Variants in SIPA1L2 observed in about 807,000 individuals in gnomAD.
SIPA1L2 encodes signal induced proliferation associated 1 like 2, also known as signal-induced proliferation-associated 1-like protein 2.
In SIPA1L2, 56 loss-of-function variants were observed where a neutral mutation model predicts 163.9. That is an observed-to-expected ratio of 0.34 (90% CI 0.28 to 0.43). The LOEUF (loss-of-function observed/expected upper bound fraction) is 0.43, where lower values mean the gene tolerates loss of function less well. Ranked by LOEUF, SIPA1L2 falls within the 20% of genes least tolerant of loss-of-function variation. SIPA1L2 has a pLI of 1.00. For synonymous variants in SIPA1L2, 877 were observed against 865.7 expected (o/e 1.01, Z -0.23); for missense variants, 1,974 against 2,193.5 (o/e 0.90, Z 2.00).
intron 1 of SIPA1L2, among the ~76,000 whole-genome samples, chr1:232,580,438 A>G (rs1024843079): frequency 6.6e-6 from 1 of 152,178 alleles, no homozygotes; most frequent in Non-Finnish European, 1.5e-5. Flanking sequence ...ACCTCCTGGG[A>G]AAGCAGCCCA....
At chr1:232,421,266 G>C (rs1022546151) in intron 18 of SIPA1L2, among the ~76,000 whole-genome samples, 1 of 151,948 alleles carries the variant, frequency 6.6e-6, no homozygotes, top group Non-Finnish European at 1.5e-5. Flanking sequence ...AATTCTGAAA[G>C]GGGGGTAGTA....
chr1:232,442,421 G>A (rs868204056), intron 12 of SIPA1L2, among the ~76,000 whole-genome samples: 4 of 151,602 alleles, frequency 2.6e-5, no homozygotes, highest in South Asian at 2.1e-4. Context: ...GGTGGCGAGC[G>A]CCTGTAATCC....
chr1:232,599,129 C>T (rs879305202), intron 1 of SIPA1L2, among the ~76,000 whole-genome samples: 24 of 152,152 alleles, frequency 1.6e-4, no homozygotes, highest in Non-Finnish European at 3.1e-4. Flanking sequence ...ATTAGGTGAA[C>T]AGCAACCAGC....
chr1:232,486,625 G>C (rs1336461293), intron 5 of SIPA1L2, among the ~76,000 whole-genome samples: 1 of 152,168 alleles, frequency 6.6e-6, no homozygotes, highest in African/African-American at 2.4e-5. Flanking sequence ...CAGTTTGCCA[G>C]GTGAAACTTA....
chr1:232,472,564 A>G (rs1249519391), intron 7 of SIPA1L2, among the ~76,000 whole-genome samples: 1 of 152,226 alleles, frequency 6.6e-6, no homozygotes, highest in Non-Finnish European at 1.5e-5. Flanking sequence ...ACATAAAGGC[A>G]CTCGGTAAGC....
At chr1:232,439,063 C>T (rs1409361511) in intron 15 of SIPA1L2, 45 bp downstream of exon 15, 1 of 1,541,470 alleles carries the variant, frequency 6.5e-7, no homozygotes, top group Non-Finnish European at 8.7e-7. Context: ...AGGCAGGGCC[C>T]AGGTGGCACC....
At chr1:232,495,022 T>A (rs1391131407) in intron 3 of SIPA1L2, among the ~76,000 whole-genome samples, 9 of 152,170 alleles carry the variant, frequency 5.9e-5, no homozygotes, top group Admixed American at 5.9e-4. Context: ...TGCCAATGCT[T>A]GCCACAATGA....
intron 6 of SIPA1L2, among the ~76,000 whole-genome samples, chr1:232,481,528 A>C (rs1665358716): frequency 6.6e-6 from 1 of 152,214 alleles, no homozygotes; most frequent in African/African-American, 2.4e-5. Flanking sequence ...GCCATACTAA[A>C]AGAGGAATTT....
At chr1:232,526,785 G>A (rs576793720) in intron 2 of SIPA1L2, among the ~76,000 whole-genome samples, 48 of 152,148 alleles carry the variant, frequency 3.2e-4, no homozygotes, top group Non-Finnish European at 5.9e-4. Flanking sequence ...CCCCCTGACC[G>A]GTATCTGAGA....
chr1:232,563,646 T>C (rs1232415742), intron 2 of SIPA1L2, among the ~76,000 whole-genome samples: 4 of 152,214 alleles, frequency 2.6e-5, no homozygotes, highest in Non-Finnish European at 2.9e-5. Flanking sequence ...TGTTGGAAAT[T>C]CAGTTTTAAC....
chr1:232,439,451 A>G lies in SIPA1L2; in HGVS notation c.3688T>C (p.Ser1230Pro). ...CSSHSSSNTL[S>P]SNTSSNSDDK... ...TCACTGTTGCTGGAGGTGTTGCTGG[A>G]GAGCGTGTTGCTGCTGGAGTGACTG... is the stretch of plus-strand genomic sequence containing the variant. Residue 1230 changes from serine (S) to proline (P), a missense_variant, in exon 15 of 23, where the codon TCC (serine) becomes CCC (proline). Coordinates refer to ENST00000674635, the MANE Select transcript of SIPA1L2 (RefSeq NM_020808.5). 1.2e-6 allele frequency: 2 copies of G among 1,614,184 alleles called. No homozygotes were observed. The highest frequency in any genetic ancestry group is 1.7e-6 in the Non-Finnish European group (2 of 1,180,008).
chr1:232,423,769 G>T (rs139274285), intron 18 of SIPA1L2, among the ~76,000 whole-genome samples: 1 of 152,016 alleles, frequency 6.6e-6, no homozygotes, highest in Non-Finnish European at 1.5e-5. Context: ...AACAAACTAC[G>T]GTACATCTAG....
rs555384705 is a variant in SIPA1L2 at position 232,600,639 on chromosome 1, TGTTG to T, written c.-318-26421_-318-26418del. The stretch of plus-strand genomic sequence containing the variant: ...AATAACCTAAATTAAGGAGCGTGCC[TGTTG>T]GATGACATAATGTGGTTTACTGTGA... On this transcript the variant is annotated intron_variant, in intron 1 of 22. Coordinates refer to ENST00000674635, the MANE Select transcript of SIPA1L2 (RefSeq NM_020808.5). Among the ~76,000 whole-genome samples the T allele has an allele frequency of 2.6e-5, 4 of 152,304 alleles. No individual in the cohort carries two copies. The South Asian group carries it at 8.3e-4, about 32-fold the overall frequency.
intron 7 of SIPA1L2, among the ~76,000 whole-genome samples, chr1:232,478,177 T>C (rs527392630): frequency 2.0e-5 from 3 of 152,246 alleles, no homozygotes; most frequent in Non-Finnish European, 4.4e-5. Flanking sequence ...TACATACATG[T>C]GATCTAGTGA....
chr1:232,571,764 C>A (rs1232101573), intron 2 of SIPA1L2, among the ~76,000 whole-genome samples: 1 of 152,114 alleles, frequency 6.6e-6, no homozygotes, highest in Non-Finnish European at 1.5e-5. Flanking sequence ...TGGGACCTCC[C>A]CCTTCTGTCT....
At chr1:232,507,194 G>A (rs531570292) in intron 3 of SIPA1L2, among the ~76,000 whole-genome samples, 4 of 143,082 alleles carry the variant, frequency 2.8e-5, no homozygotes, top group South Asian at 2.2e-4. Flanking sequence ...TTTTTTCTCC[G>A]ACTTTCCCTG....
intron 7 of SIPA1L2, among the ~76,000 whole-genome samples, chr1:232,473,791 C>T (rs911471144): frequency 2.6e-5 from 4 of 151,878 alleles, no homozygotes; most frequent in South Asian, 2.1e-4. Context: ...CGATTGGAGG[C>T]GGGAACAAGA....
In SIPA1L2 at chr1:232,432,399, G is replaced by A. The variant is rs1304785854; in HGVS notation, c.4104C>T (p.Val1368=). 6.2e-7 allele frequency: 1 copy of A among 1,614,252 alleles called. No individual in the cohort carries two copies. Among genetic ancestry groups the A allele is most frequent in the South Asian group, 1.1e-5 (1 of 91,090 alleles). Residue 1368 remains valine, a synonymous_variant, in exon 16 of 23, where the codon GTC becomes GTT. Transcript: ENST00000674635. ...KSSGSLDSSK[V]YIVSHSSGQQ... The stretch of plus-strand genomic sequence containing the variant: ...GTCCGCTGCTGTGAGACACGATGTA[G>A]ACTTTGGATGAATCCAGAGACCCAC...
chr1:232,443,746 G>T, intron 11 of SIPA1L2, 61 bp from the exon 12 acceptor site: 2 of 1,329,072 alleles, frequency 1.5e-6, no homozygotes, highest in Non-Finnish European at 1.0e-6. Context: ...CCCTTGACCT[G>T]GCCTGTTTTG....
Sources: allele counts gnomAD v4.1 joint callset (sites outside exome capture counted in the v4.1 genomes callset), GRCh38; gene constraint gnomAD v4.1.1; transcripts MANE v1.5; gene names NCBI Gene and HGNC (gene_info 2026-07-23, HGNC 2026-07-21).